CAPN3: variants seen among roughly 807,000 people sequenced by gnomAD.
CAPN3 encodes calpain-3.
A neutral mutation model predicts 114.0 loss-of-function variants in CAPN3; 88 were observed. The observed-to-expected ratio is 0.77, with a 90% CI of 0.65 to 0.92. The LOEUF (loss-of-function observed/expected upper bound fraction) is 0.92, where lower values mean the gene tolerates loss of function less well. CAPN3 is among the 40% of genes least tolerant of loss of function. The probability of loss-of-function intolerance (pLI) is 0.00; values close to 1 mark genes in which losing one functional copy is unlikely to be tolerated. For missense variants in CAPN3, 1,028 were observed against 1,069.0 expected, an observed-to-expected ratio of 0.96 and a Z score of 0.53; for synonymous variants, 386 against 382.9, an observed-to-expected ratio of 1.01 and a Z score of -0.09.
In CAPN3 at chr15:42,387,863, T is replaced by C. The variant is rs2053446111; in HGVS notation, c.609T>C (p.Ala203=). ...KSNHRNEFWS[A]LLEKAYAKLH... is the part of the protein sequence containing the mutation. ...ACCACCGCAATGAGTTCTGGAGTGC[T>C]CTGCTGGAGAAGGCTTATGCTAAGT... The change falls in exon 4 of 24, where the codon GCT becomes GCC. Residue 203 remains alanine (A), a synonymous_variant. Coordinates refer to ENST00000397163, the MANE Select transcript of CAPN3 (RefSeq NM_000070.3). 6.2e-7 allele frequency: 1 copy of C among 1,614,008 alleles called. No homozygotes were observed. The highest frequency in any genetic ancestry group is 1.3e-5 in the African/African-American group (1 of 74,930).
In CAPN3 at chr15:42,411,998, T is replaced by C; in HGVS notation, c.*225T>C. 1.3e-6 allele frequency: 2 copies of C among 1,509,194 alleles called. No individual in the cohort carries two copies. Among genetic ancestry groups the C allele is most frequent in the Non-Finnish European group, 8.8e-7 (1 of 1,130,840 alleles). 93.5% of individuals were successfully genotyped at this position (1,509,194 alleles called of 1,614,324 possible). On this transcript the variant is annotated 3_prime_UTR_variant, in exon 24 of 24. Coordinates refer to ENST00000397163, the MANE Select transcript of CAPN3 (RefSeq NM_000070.3). ...CAATGAGGTAGGAAGAACAAACCCT[T>C]GTCCCTTTGCCATGTGGAGGAAAGT...
chr15:42,396,771 C>T (rs1041440400), intron 8 of CAPN3, 29 bp from the exon 9 acceptor site: 12 of 1,579,546 alleles, frequency 7.6e-6, no homozygotes, highest in Admixed American at 1.7e-5. Flanking sequence ...CTTCTTCCTG[C>T]TTCCTTAATT....
intron 9 of CAPN3, among the ~76,000 whole-genome samples, chr15:42,398,926 A>G (rs2053785793): frequency 6.6e-6 from 1 of 151,680 alleles, no homozygotes; most frequent in Non-Finnish European, 1.5e-5. Flanking sequence ...CTAGGATTAC[A>G]AGTGCCCGCC....
intron 1 of CAPN3, among the ~76,000 whole-genome samples, chr15:42,361,713 C>T (rs1466709699): frequency 6.6e-6 from 1 of 152,184 alleles, no homozygotes; most frequent in African/African-American, 2.4e-5. Context: ...ACTCCTTAGC[C>T]AAGCCATAGG....
In CAPN3 at chr15:42,386,226, C is replaced by T. The variant is rs878854364; in HGVS notation, c.439C>T (p.Arg147Ter). 5.6e-6 allele frequency: 9 copies of T among 1,614,114 alleles called. No homozygotes were observed. Among genetic ancestry groups the T allele is most frequent in the African/African-American group, 1.3e-5 (1 of 75,030 alleles). Residue 147 changes from arginine (R) to a stop codon, truncating the protein, a stop_gained, in exon 3 of 24, where the codon CGA becomes TGA. Transcript: ENST00000397163. LOFTEE classifies it high-confidence loss of function. ...CLTLNQHLLF[R>*]VIPHDQSFIE... ...GACCCTGAACCAGCACCTTCTTTTC[C>T]GAGTCATACCCCATGATCAAAGTTT...
rs762837895 is a variant in CAPN3 at position 42,386,232 on chromosome 15, A to G, written c.445A>G (p.Ile149Val). 1 of 1,614,140 alleles carries G rather than the reference A, an allele frequency of 6.2e-7. No individual in the cohort carries two copies. Residue 149 changes from isoleucine (I) to valine (V), a missense_variant, in exon 3 of 24, where the codon ATA becomes GTA. Coordinates refer to ENST00000397163, the MANE Select transcript of CAPN3 (RefSeq NM_000070.3). ...GAACCAGCACCTTCTTTTCCGAGTC[A>G]TACCCCATGATCAAAGTTTCATCGA... is the stretch of plus-strand genomic sequence containing the variant. ...TLNQHLLFRV[I>V]PHDQSFIENY... is the part of the protein sequence containing the mutation.
chr15:42,372,110 A>C (rs1205891977), intron 1 of CAPN3, among the ~76,000 whole-genome samples: 1 of 152,154 alleles, frequency 6.6e-6, no homozygotes, highest in Non-Finnish European at 1.5e-5. Flanking sequence ...TTCTCCATTT[A>C]AATAGGTGTC....
intron 6 of CAPN3, among the ~76,000 whole-genome samples, chr15:42,391,490 C>A (rs1276136110): frequency 6.6e-6 from 1 of 152,174 alleles, no homozygotes; most frequent in Non-Finnish European, 1.5e-5. Flanking sequence ...CTGGAAGAGA[C>A]TGAGATCTGG....
chr15:42,406,945 T>C (rs891699770), intron 15 of CAPN3, among the ~76,000 whole-genome samples: 7 of 152,134 alleles, frequency 4.6e-5, no homozygotes, highest in African/African-American at 1.7e-4. Flanking sequence ...CACGGGTCTA[T>C]CTGCTTGAGC....
At chr15:42,407,219 G>A (rs1375469477) in intron 15 of CAPN3, among the ~76,000 whole-genome samples, 1 of 152,150 alleles carries the variant, frequency 6.6e-6, no homozygotes, top group Non-Finnish European at 1.5e-5. Context: ...CATCTTAAAT[G>A]TTTTTGCAGT....
chr15:42,401,480 C>CG lies in CAPN3; in HGVS notation c.1355-161_1355-160insG, dbSNP rs1364887586. The stretch of plus-strand genomic sequence containing the variant: ...CATCTGAATAAAGGTAGCGCCCCCC[C>CG]CCCCCCCAAATCATTAGAGAAATGC... On this transcript the variant is annotated intron_variant, in intron 10 of 23. Transcript: ENST00000397163. Among the ~76,000 whole-genome samples the CG allele has an allele frequency of 6.2e-5, 8 of 130,056 alleles. 1 individual carries two copies. The highest frequency in any genetic ancestry group is 1.9e-4 in the African/African-American group (7 of 36,108). The allele number at this position is 130,056 out of a possible 152,430, so 85.3% of individuals were successfully genotyped here. A position where few individuals can be genotyped will look rare whatever the true frequency, so the allele number is the denominator to read the frequency against.
intron 14 of CAPN3, among the ~76,000 whole-genome samples, chr15:42,405,471 T>A (rs2053992279): frequency 6.6e-6 from 1 of 152,016 alleles, no homozygotes; most frequent in South Asian, 2.1e-4. Flanking sequence ...CCATCACGCC[T>A]GGATAATTTT....
intron 9 of CAPN3, among the ~76,000 whole-genome samples, chr15:42,397,800 C>G (rs2053744256): frequency 1.3e-5 from 2 of 152,152 alleles, no homozygotes; most frequent in Admixed American, 1.3e-4. Context: ...GTCCTCCCAC[C>G]TTGGCCTCCC....
Position 42,389,047 on chromosome 15 carries a change from T to C in CAPN3, c.752T>C (p.Ile251Thr). 1.2e-6 allele frequency: 2 copies of C among 1,614,082 alleles called. No homozygotes were observed. The highest frequency in any genetic ancestry group is 1.7e-6 in the Non-Finnish European group (2 of 1,180,006). Residue 251 changes from isoleucine to threonine, a missense_variant, in exon 5 of 24, where the codon ATC (isoleucine) becomes ACC (threonine). Coordinates refer to ENST00000397163, the MANE Select transcript of CAPN3 (RefSeq NM_000070.3). Reference sequence around the variant, plus strand: ...GATGCTCCTAGTGACATGTACAAGATCATGAAGAAAGCCATCGAGAGAGGC... The same window carrying C: ...GATGCTCCTAGTGACATGTACAAGACCATGAAGAAAGCCATCGAGAGAGGC... Reference protein sequence around the residue: ...IRDAPSDMYKIMKKAIERGSL... With the variant: ...IRDAPSDMYKTMKKAIERGSL...
chr15:42,406,867 C>G (rs1385016843), intron 15 of CAPN3, among the ~76,000 whole-genome samples: 1 of 152,166 alleles, frequency 6.6e-6, no homozygotes, highest in East Asian at 1.9e-4. Flanking sequence ...GAGCAAGACA[C>G]TGCTTAGAAG....
chr15:42,399,890 T>C (rs971636831), intron 10 of CAPN3, among the ~76,000 whole-genome samples: 3 of 152,240 alleles, frequency 2.0e-5, no homozygotes, highest in Admixed American at 6.5e-5. Context: ...GATGAGGTTA[T>C]GTCCAGATAA....
intron 8 of CAPN3, 44 bp downstream of exon 8, chr15:42,394,385 G>T (rs2053637871): frequency 6.9e-7 from 1 of 1,459,190 alleles, no homozygotes; most frequent in Non-Finnish European, 9.4e-7. Flanking sequence ...CGGGGAACAG[G>T]GTCCGGGACA....
chr15:42,395,882 T>C (rs1208996144), intron 8 of CAPN3, among the ~76,000 whole-genome samples: 1 of 152,228 alleles, frequency 6.6e-6, no homozygotes, highest in Non-Finnish European at 1.5e-5. Context: ...AATTCTCCTC[T>C]GTGAGCCTGA....
At chr15:42,404,964 A>G in intron 14 of CAPN3, 1 of 995,890 alleles carries the variant, frequency 1.0e-6, no homozygotes, top group South Asian at 4.5e-5. Context: ...ACGTGAGTAG[A>G]GCAGGCAGGT....
Sources: allele counts gnomAD v4.1 joint callset (sites outside exome capture counted in the v4.1 genomes callset), GRCh38; gene constraint gnomAD v4.1.1; transcripts MANE v1.5; gene names NCBI Gene and HGNC (gene_info 2026-07-23, HGNC 2026-07-21).